URB1: variants seen among roughly 807,000 people sequenced by gnomAD.
URB1 encodes URB1 ribosome biogenesis factor, also known as nucleolar pre-ribosomal-associated protein 1.
A neutral mutation model predicts 242.3 loss-of-function variants in URB1; 197 were observed. The ratio of observed to expected loss-of-function variants is 0.81; its 90% confidence interval spans 0.72 to 0.91. URB1 has a LOEUF of 0.91. Among genes scored for constraint, URB1 ranks in the 40% least tolerant of loss-of-function variants. The pLI is 0.00. For missense variants in URB1, 2,721 were observed against 2,860.5 expected (o/e 0.95, Z 1.11); for synonymous variants, 1,153 against 1,201.8 (o/e 0.96, Z 0.84).
chr21:32,366,481 C>A, intron 10 of URB1, 137 bp downstream of exon 10: 1 of 1,235,186 alleles, frequency 8.1e-7, no homozygotes. Flanking sequence ...ACTACAGCCT[C>A]TGTCCTGGAA....
At chr21:32,345,651 C>G in intron 22 of URB1, 76 bp from the exon 23 acceptor site, 1 of 1,417,850 alleles carries the variant, frequency 7.1e-7, no homozygotes, top group Non-Finnish European at 9.4e-7. Flanking sequence ...CTCCTAGGAA[C>G]TGGTTGCTAT....
intron 2 of URB1, among the ~76,000 whole-genome samples, chr21:32,384,997 AAAAGAAAAGAAAAG>A (rs1051895098): frequency 3.1e-5 from 4 of 130,470 alleles, no homozygotes; most frequent in East Asian, 2.2e-4. Context: ...GAAAGAAAAG[AAAAGAAAAGAAAAG>A]AAAGAAAGAA....
intron 16 of URB1, 111 bp downstream of exon 16, chr21:32,355,337 GC>G: frequency 1.1e-6 from 1 of 936,044 alleles, no homozygotes; most frequent in Non-Finnish European, 1.6e-6. Flanking sequence ...TAGGAAGTAA[GC>G]CAGGACGAGA....
chr21:32,351,032 T>C (rs2033151664), intron 19 of URB1, 110 bp from the exon 20 acceptor site: 2 of 1,157,646 alleles, frequency 1.7e-6, no homozygotes, highest in Non-Finnish European at 2.4e-6. Context: ...AAGAAGCACA[T>C]GCTGAGATAA....
chr21:32,372,622 C>A lies in URB1; in HGVS notation c.886G>T (p.Glu296Ter). The change falls in exon 8 of 39, where the codon GAA becomes TAA. Residue 296 changes from glutamate (E) to a stop codon, truncating the protein, a stop_gained. Coordinates refer to ENST00000382751, the MANE Select transcript of URB1 (RefSeq NM_014825.3). LOFTEE classifies it high-confidence loss of function. ...CGCACCATGGTTTTCCCTGCTTCTT[C>A]GGCAGAAACCTATGAAGATTTTTTA... Reference protein sequence around the residue: ...VNPENVKVSAEEAGKTMVREL... With the variant: ...VNPENVKVSA 1 of 1,549,218 alleles carries A rather than the reference C, an allele frequency of 6.5e-7. No homozygotes were observed. Among genetic ancestry groups the A allele is most frequent in the Non-Finnish European group, 8.7e-7 (1 of 1,146,364 alleles).
chr21:32,364,288 G>C (rs2033321288), intron 10 of URB1, among the ~76,000 whole-genome samples: 1 of 152,050 alleles, frequency 6.6e-6, no homozygotes, highest in African/African-American at 2.4e-5. Flanking sequence ...AGGATCATAT[G>C]ATGGCATCTC....
At chr21:32,315,214 G>T in intron 38 of URB1, 115 bp from the exon 39 acceptor site, 1 of 1,127,726 alleles carries the variant, frequency 8.9e-7, no homozygotes. Flanking sequence ...CGTGCCACAG[G>T]CCTGGGCAAC....
rs888788220 is a variant in URB1 at position 32,314,382 on chromosome 21, A to G, written c.*536T>C. On this transcript the variant is annotated 3_prime_UTR_variant, in exon 39 of 39. Transcript: ENST00000382751. ...GTATTTTTAGTAGAGATGGGGTTTC[A>G]CCATGTTGGGAAGGCTGGTTTCGAA... 1.0e-5 allele frequency: 6 copies of G among 594,964 alleles called. No individual in the cohort carries two copies. The Admixed American group carries it at 1.4e-4, about 14-fold the overall frequency. The allele number at this position is 594,964 out of a possible 1,614,324, so 36.9% of individuals were successfully genotyped here. A position where few individuals can be genotyped will look rare whatever the true frequency, so the allele number is the denominator to read the frequency against.
intron 28 of URB1, 113 bp from the exon 29 acceptor site, chr21:32,334,447 GT>G: frequency 8.0e-7 from 1 of 1,251,238 alleles, no homozygotes; most frequent in Non-Finnish European, 1.1e-6. Flanking sequence ...ACCAGGTGCT[GT>G]TCTGAGCATG....
intron 11 of URB1, among the ~76,000 whole-genome samples, chr21:32,362,560 G>A (rs114456014): frequency 5.5e-4 from 84 of 152,306 alleles, no homozygotes; most frequent in African/African-American, 1.9e-3. Context: ...TTGGTGAACA[G>A]GCAAGTGCTG....
At position 32,359,929 on chromosome 21, in the gene URB1, G is replaced by A. The variant is rs1442082306; in HGVS notation, c.1757-21C>T. The A allele has an allele frequency of 4.5e-6, 7 of 1,546,232 alleles. No homozygotes were observed. The African/African-American group carries it at 6.9e-5, about 15-fold the overall frequency. ...GACACCTATGGGTGAAAAAGAGGCA[G>A]GCTGAAAAAAGTCACATGGACGTGG... On this transcript the variant is annotated intron_variant, in intron 13 of 38. Coordinates refer to ENST00000382751, the MANE Select transcript of URB1 (RefSeq NM_014825.3).
At chr21:32,379,317 G>C (rs751970945) in intron 4 of URB1, among the ~76,000 whole-genome samples, 24 of 152,252 alleles carry the variant, frequency 1.6e-4, no homozygotes, top group Non-Finnish European at 3.5e-4. Flanking sequence ...AGCTGTTCCA[G>C]AACTAGCAGG....
At position 32,314,905 on chromosome 21, in the gene URB1, T is replaced by C. The variant is rs1434951919; in HGVS notation, c.*13A>G. Reference sequence around the variant, plus strand: ...CTCTGGTCATCAGGGTGCAAGGTGCTGGCCGGCAGGAGTCAAGCATCTGAG... The same window carrying C: ...CTCTGGTCATCAGGGTGCAAGGTGCCGGCCGGCAGGAGTCAAGCATCTGAG... On this transcript the variant is annotated 3_prime_UTR_variant, in exon 39 of 39. Coordinates refer to ENST00000382751, the MANE Select transcript of URB1 (RefSeq NM_014825.3). 1 of 1,547,146 alleles carries C rather than the reference T, an allele frequency of 6.5e-7. No individual in the cohort carries two copies. The highest frequency in any genetic ancestry group is 1.4e-5 in the African/African-American group (1 of 72,998).
Position 32,322,486 on chromosome 21 carries a change from C to CG in URB1, c.5331dup (p.Asp1778ArgfsTer3). On this transcript the variant is annotated frameshift_variant, in exon 33 of 39. Coordinates refer to ENST00000382751, the MANE Select transcript of URB1 (RefSeq NM_014825.3). LOFTEE classifies it high-confidence loss of function. ...GGACTCTGGAAGCATACCTCAAAGT[C>CG]GGAGCTGTAGAAGAACTGGTAGAAG... is the stretch of plus-strand genomic sequence containing the variant. The CG allele has an allele frequency of 6.4e-7, 1 of 1,552,246 alleles. No individual in the cohort carries two copies. Among genetic ancestry groups the CG allele is most frequent in the East Asian group, 2.4e-5 (1 of 40,922 alleles).
Position 32,357,542 on chromosome 21 carries a change from T to C in URB1, c.1984A>G (p.Met662Val), listed in dbSNP as rs748799609. ...AACTGGTAGAAAATGCTCACCTTCA[T>C]GATCAGAAGTTTGGTCAATGACTTC... The part of the protein sequence containing the change: ...QLKSLTKLLI[M>V]KILRDTGVFE... The change falls in exon 15 of 39, where the codon ATG (methionine) becomes GTG (valine). Residue 662 changes from methionine (M) to valine (V), a missense_variant. Coordinates refer to ENST00000382751, the MANE Select transcript of URB1 (RefSeq NM_014825.3). 5 of 1,512,782 alleles carry C rather than the reference T, an allele frequency of 3.3e-6. No individual in the cohort carries two copies. Among genetic ancestry groups the C allele is most frequent in the Admixed American group, 2.4e-5 (1 of 42,166 alleles). 93.7% of individuals were successfully genotyped at this position (1,512,782 alleles called of 1,614,324 possible). A position where few individuals can be genotyped will look rare whatever the true frequency, so the allele number is the denominator to read the frequency against.
chr21:32,361,197 A>AAGAAAGAAAGAAAGAAAGAC, intron 12 of URB1, 74 bp from the exon 13 acceptor site: 4 of 901,610 alleles, frequency 4.4e-6, no homozygotes, highest in Non-Finnish European at 4.9e-6. Flanking sequence ...GAAAGAAAGA[A>AAGAAAGAAAGAAAGAAAGAC]AGAAAGAAAA....
chr21:32,341,193 T>C (rs1430108463), intron 25 of URB1, among the ~76,000 whole-genome samples: 1 of 152,204 alleles, frequency 6.6e-6, no homozygotes, highest in African/African-American at 2.4e-5. Context: ...CAGAAAACTG[T>C]CAGCATGTAT....
rs1339285582 is a variant in URB1, at chr21:32,337,427, T to C, written c.4598A>G (p.Tyr1533Cys). Residue 1533 changes from tyrosine to cysteine, a missense_variant, in exon 27 of 39, where the codon TAT (tyrosine) becomes TGT (cysteine). By Grantham distance (194) the Tyr-to-Cys change is radical. Coordinates refer to ENST00000382751, the MANE Select transcript of URB1 (RefSeq NM_014825.3). ...SSHFAVLLGA[Y>C]GATLSVLDQK... The stretch of plus-strand genomic sequence containing the variant: ...ACCTAGGACGCTGAGAGTGGCGCCA[T>C]AGGCCCCGAGAAGCACTGCAAAGTG... 29 of 1,551,368 alleles carry C rather than the reference T, an allele frequency of 1.9e-5. No individual in the cohort carries two copies. The highest frequency in any genetic ancestry group is 2.4e-5 in the East Asian group (1 of 40,866).
intron 20 of URB1, among the ~76,000 whole-genome samples, chr21:32,350,354 T>G (rs1322978655): frequency 6.6e-6 from 1 of 152,146 alleles, no homozygotes; most frequent in Non-Finnish European, 1.5e-5. Flanking sequence ...GAGGGTGGCT[T>G]GAGTCCACTG....
Sources: gnomAD v4.1 joint callset for allele counts (sites outside exome capture counted in the v4.1 genomes callset) on GRCh38, gnomAD v4.1.1 for gene constraint, MANE v1.5 for transcripts, NCBI Gene and HGNC (gene_info 2026-07-23, HGNC 2026-07-21) for gene names.